Variants in BDNF observed in about 807,000 individuals in gnomAD.
BDNF encodes the protein brain derived neurotrophic factor, also known as neurotrophic factor BDNF precursor form.
Under a neutral mutation model 19.5 loss-of-function variants are expected in BDNF, and 1 was observed. The observed-to-expected ratio is 0.05, with a 90% CI of 0.02 to 0.24. BDNF has a LOEUF of 0.24. Ranked by LOEUF, BDNF falls within the 10% of genes least tolerant of loss-of-function variation. The pLI is 1.00. For synonymous variants in BDNF, 100 were observed against 121.6 expected, an observed-to-expected ratio of 0.82 and a Z score of 1.17; for missense variants, 195 against 317.6, an observed-to-expected ratio of 0.61 and a Z score of 2.93.
At chr11:27,697,147 A>G (rs1249046585) in intron 1 of BDNF, among the ~76,000 whole-genome samples, 96 of 83,126 alleles carry the variant, frequency 1.2e-3, no homozygotes, top group Middle Eastern at 4.8e-3. Flanking sequence ...GTGCACGCAC[A>G]CACACACACA....
chr11:27,690,378 A>G lies in BDNF; in HGVS notation c.-22+9786T>C, dbSNP rs185363388. Reference sequence around the variant, plus strand: ...GGAACATGGCTGTAGGTTTGGTACTAGAAGAAAAGTGGGACCTATTCCGAC... The same window carrying G: ...GGAACATGGCTGTAGGTTTGGTACTGGAAGAAAAGTGGGACCTATTCCGAC... On this transcript the variant is annotated intron_variant, in intron 1 of 1. Transcript: ENST00000356660. Among the ~76,000 whole-genome samples the G allele has an allele frequency of 1.9e-3, 292 of 152,250 alleles. 2 individuals carry two copies. The highest frequency in any genetic ancestry group is 3.7e-3 in the Non-Finnish European group (249 of 68,020).
chr11:27,704,179 C>T (rs1368478776), upstream of BDNF, among the ~76,000 whole-genome samples: 1 of 152,120 alleles, frequency 6.6e-6, no homozygotes, highest in Non-Finnish European at 1.5e-5. Flanking sequence ...TTCTCTATTA[C>T]TAAAATGAGG....
intron 1 of BDNF, among the ~76,000 whole-genome samples, chr11:27,686,134 C>G (rs4542361): frequency 0.48 from 72,138 of 151,834 alleles, 17,333 homozygotes; most frequent in Admixed American, 0.54. Context: ...GAATTGATCC[C>G]TTTATCATTA....
At chr11:27,718,578 C>T (rs1167304417) in intron 1 of BDNF, among the ~76,000 whole-genome samples, 1 of 147,086 alleles carries the variant, frequency 6.8e-6, no homozygotes, top group East Asian at 2.1e-4. Context: ...CCCGCCCCTC[C>T]CCTCCCCTCC....
At chr11:27,687,489 T>C (rs1340812270) in intron 1 of BDNF, among the ~76,000 whole-genome samples, 1 of 152,212 alleles carries the variant, frequency 6.6e-6, no homozygotes, top group Admixed American at 6.5e-5. Context: ...AGAAGAGGCA[T>C]TCTGGTTTTT....
At chr11:27,693,586 G>C (rs1429802348) in intron 1 of BDNF, among the ~76,000 whole-genome samples, 1 of 152,116 alleles carries the variant, frequency 6.6e-6, no homozygotes, top group Non-Finnish European at 1.5e-5. Flanking sequence ...TTGCATAAGA[G>C]GAATACCTTC....
At chr11:27,719,272 G>A (rs1860652941) in intron 1 of BDNF, among the ~76,000 whole-genome samples, 1 of 152,208 alleles carries the variant, frequency 6.6e-6, no homozygotes, top group African/African-American at 2.4e-5. Flanking sequence ...TCAGCGACTA[G>A]CCGGCCGCCC....
At position 27,656,425 on chromosome 11, in the gene BDNF, G is replaced by C; in HGVS notation, c.*1396C>G. The C allele has an allele frequency of 1.7e-6, 1 of 578,940 alleles. No homozygotes were observed. 35.9% of individuals were successfully genotyped at this position (578,940 alleles called of 1,614,324 possible). On this transcript the variant is annotated 3_prime_UTR_variant, in exon 2 of 2. Transcript: ENST00000356660. ...GATAATGTAGGCACTTAAAGCACGA[G>C]GTCCAAGCAGCTTGACACATGTCAT...
chr11:27,697,154 C>CAGAGAG (rs1240313523), intron 1 of BDNF, among the ~76,000 whole-genome samples: 1 of 73,174 alleles, frequency 1.4e-5, no homozygotes, highest in Non-Finnish European at 4.3e-5. Context: ...CACACACACA[C>CAGAGAG]ACACACACAC....
At chr11:27,674,081 G>A (rs1045077557) in intron 1 of BDNF, 2 of 1,608,712 alleles carry the variant, frequency 1.2e-6, no homozygotes, top group Non-Finnish European at 8.5e-7. Flanking sequence ...CATTTTCAGG[G>A]ATCAGTTTGT....
At chr11:27,695,367 A>AT (rs1348061950) in intron 1 of BDNF, among the ~76,000 whole-genome samples, 27 of 152,270 alleles carry the variant, frequency 1.8e-4, no homozygotes, top group Admixed American at 9.8e-4. Context: ...AAGTTCAGTG[A>AT]TTTTTTATCA....
At chr11:27,700,629 A>G, upstream of BDNF, 11 of 973,752 alleles carry the variant, frequency 1.1e-5, no homozygotes, top group Non-Finnish European at 1.1e-5. Context: ...CGCGCGGGGA[A>G]CCGAGGGGCG....
At chr11:27,677,801 C>T (rs1856357764) in intron 1 of BDNF, 1 of 152,098 alleles carries the variant, frequency 6.6e-6, no homozygotes, top group South Asian at 2.1e-4. Flanking sequence ...AATTTATTAA[C>T]AAAACATTTA....
intron 1 of BDNF, among the ~76,000 whole-genome samples, chr11:27,715,947 T>C (rs567070692): frequency 2.6e-5 from 4 of 152,172 alleles, no homozygotes; most frequent in Non-Finnish European, 4.4e-5. Flanking sequence ...AAATCTCTTA[T>C]AGGATTGTTT....
chr11:27,662,260 C>G (rs1451761904), intron 1 of BDNF, among the ~76,000 whole-genome samples: 7 of 152,188 alleles, frequency 4.6e-5, no homozygotes, highest in Non-Finnish European at 1.0e-4. Flanking sequence ...TCATTCTAGT[C>G]AGTCTTCAGC....
At chr11:27,691,011 A>T (rs1858188164) in intron 1 of BDNF, 1 of 152,210 alleles carries the variant, frequency 6.6e-6, no homozygotes, top group Non-Finnish European at 1.5e-5. Context: ...AGAGTTCTTC[A>T]TGAAAGATTC....
intron 1 of BDNF, among the ~76,000 whole-genome samples, chr11:27,691,676 C>A (rs1310051667): frequency 6.6e-6 from 1 of 152,086 alleles, no homozygotes; most frequent in African/African-American, 2.4e-5. Context: ...GTCTAACTTG[C>A]ATTTTATGTC....
At chr11:27,698,464 G>A (rs1161564756) in intron 1 of BDNF, among the ~76,000 whole-genome samples, 1 of 152,012 alleles carries the variant, frequency 6.6e-6, no homozygotes, top group Non-Finnish European at 1.5e-5. Context: ...AGCATTGAAG[G>A]CACACACGTT....
At chr11:27,693,028 A>G (rs1453198182) in intron 1 of BDNF, among the ~76,000 whole-genome samples, 2 of 152,190 alleles carry the variant, frequency 1.3e-5, no homozygotes, top group African/African-American at 4.8e-5. Flanking sequence ...ATGCATTCCA[A>G]GTCCCCTCAA....
Sources: gnomAD v4.1 joint callset for allele counts (sites outside exome capture counted in the v4.1 genomes callset) on GRCh38, gnomAD v4.1.1 for gene constraint, MANE v1.5 for transcripts, NCBI Gene and HGNC (gene_info 2026-07-23, HGNC 2026-07-21) for gene names.